Variants in UQCC1 observed in about 807,000 individuals in gnomAD.
UQCC1 encodes ubiquinol-cytochrome c reductase complex assembly factor 1.
Under a neutral mutation model 48.0 loss-of-function variants are expected in UQCC1, and 38 were observed. That is an observed-to-expected ratio of 0.79 (90% CI 0.61 to 1.04). The LOEUF (loss-of-function observed/expected upper bound fraction) is 1.04, where lower values mean the gene tolerates loss of function less well. UQCC1 is among the 50% of genes least tolerant of loss of function. The pLI, the probability that UQCC1 is intolerant of heterozygous loss-of-function variation, is 0.00. For missense variants in UQCC1, 368 were observed against 381.8 expected (o/e 0.96, Z 0.30); for synonymous variants, 111 against 129.2 (o/e 0.86, Z 0.95).
intron 1 of UQCC1, among the ~76,000 whole-genome samples, chr20:35,405,012 C>T (rs1416277276): frequency 6.6e-6 from 1 of 152,152 alleles, no homozygotes. Context: ...ATACCCAAAG[C>T]TGTGCACATG....
intron 1 of UQCC1, among the ~76,000 whole-genome samples, chr20:35,402,725 G>A (rs965889665): frequency 2.6e-5 from 4 of 152,070 alleles, no homozygotes; most frequent in African/African-American, 7.2e-5. Flanking sequence ...CCCGGGAGGC[G>A]GAGGTTGCAG....
intron 1 of UQCC1, among the ~76,000 whole-genome samples, chr20:35,404,679 T>C (rs1429306193): frequency 6.8e-6 from 1 of 147,540 alleles, no homozygotes; most frequent in Non-Finnish European, 1.5e-5. Flanking sequence ...AAAAAGAAGC[T>C]TGACTCTGAA....
intron 6 of UQCC1, among the ~76,000 whole-genome samples, chr20:35,360,962 G>A (rs926144509): frequency 6.6e-6 from 1 of 152,020 alleles, no homozygotes; most frequent in Non-Finnish European, 1.5e-5. Flanking sequence ...AGTTGTCTCG[G>A]GTCAGCCACT....
At chr20:35,396,739 G>A (rs1197590513) in intron 1 of UQCC1, among the ~76,000 whole-genome samples, 1 of 152,146 alleles carries the variant, frequency 6.6e-6, no homozygotes, top group Non-Finnish European at 1.5e-5. Context: ...AGGCTAGGCT[G>A]GAGAAAGGGA....
chr20:35,318,038 A>G (rs932596680), intron 7 of UQCC1, among the ~76,000 whole-genome samples: 6 of 152,050 alleles, frequency 3.9e-5, no homozygotes, highest in Admixed American at 6.6e-5. Context: ...GGATCTCCCT[A>G]CTCCCACATG....
intron 7 of UQCC1, among the ~76,000 whole-genome samples, chr20:35,338,722 G>A (rs1194760226): frequency 6.6e-6 from 1 of 150,680 alleles, no homozygotes; most frequent in Non-Finnish European, 1.5e-5. Flanking sequence ...GCATGAGCCT[G>A]TAGTCCCAGC....
At chr20:35,374,550 C>T (rs918781043) in intron 4 of UQCC1, among the ~76,000 whole-genome samples, 3 of 152,148 alleles carry the variant, frequency 2.0e-5, no homozygotes, top group Non-Finnish European at 4.4e-5. Context: ...ACATTTGTGC[C>T]TCTAAATCAC....
intron 8 of UQCC1, chr20:35,309,287 C>T: frequency 2.4e-6 from 1 of 419,788 alleles, no homozygotes; most frequent in Non-Finnish European, 4.9e-6. Context: ...TAAAAATTAG[C>T]CAGGCATGGT....
intron 6 of UQCC1, among the ~76,000 whole-genome samples, chr20:35,361,991 G>A (rs1480796036): frequency 6.6e-6 from 1 of 152,254 alleles, no homozygotes; most frequent in African/African-American, 2.4e-5. Flanking sequence ...GCACTGAGAA[G>A]GTACTAGTGC....
intron 4 of UQCC1, among the ~76,000 whole-genome samples, chr20:35,376,968 CA>C (rs11330133): frequency 0.54 from 77,367 of 142,512 alleles, 21,681 homozygotes; most frequent in East Asian, 0.72. Context: ...CAAAACAAAA[CA>C]AAAAAAAAAA....
intron 9 of UQCC1, among the ~76,000 whole-genome samples, chr20:35,304,848 C>T (rs1041603468): frequency 4.6e-5 from 7 of 152,166 alleles, no homozygotes; most frequent in Admixed American, 2.0e-4. Flanking sequence ...CAGCTGCTGA[C>T]GCTTGAACTC....
chr20:35,383,576 A>C (rs560737070), intron 3 of UQCC1, among the ~76,000 whole-genome samples: 14 of 152,208 alleles, frequency 9.2e-5, no homozygotes, highest in African/African-American at 3.4e-4. Context: ...CTCATCTGTT[A>C]AAAAAAATTT....
intron 7 of UQCC1, among the ~76,000 whole-genome samples, chr20:35,340,695 A>C (rs533897525): frequency 6.6e-6 from 1 of 152,328 alleles, no homozygotes; most frequent in Non-Finnish European, 1.5e-5. Flanking sequence ...TGTCCAGGCT[A>C]ACTATACCTT....
intron 1 of UQCC1, 46 bp downstream of exon 1, chr20:35,411,894 A>T (rs771143284): frequency 6.2e-7 from 1 of 1,613,720 alleles, no homozygotes; most frequent in South Asian, 1.1e-5. Flanking sequence ...TCGAACTCCA[A>T]CCCGGGACCC....
intron 1 of UQCC1, among the ~76,000 whole-genome samples, chr20:35,405,202 C>T (rs1277289240): frequency 6.6e-6 from 1 of 152,104 alleles, no homozygotes; most frequent in African/African-American, 2.4e-5. Context: ...GCAGTGAGAA[C>T]AGAATTTTAA....
rs929578801 is a variant in UQCC1 at position 35,342,768 on chromosome 20, G to A, written c.573+4396C>T. ...TGATATAATGAACTTTATTTCCACA[G>A]CTAATTTATAAGTTTAAATCCCAAA... On this transcript the variant is annotated intron_variant, in intron 7 of 9. Coordinates refer to ENST00000374385, the MANE Select transcript of UQCC1 (RefSeq NM_018244.5). Among the ~76,000 whole-genome samples, 15 of 152,186 alleles carry A rather than the reference G, an allele frequency of 9.9e-5. 1 individual carries two copies.
chr20:35,344,615 G>A, intron 7 of UQCC1: 1 of 152,370 alleles, frequency 6.6e-6, no homozygotes. Flanking sequence ...TACAGAGTTG[G>A]GTGGTAAGTA....
chr20:35,355,151 C>A (rs970808029), intron 6 of UQCC1, among the ~76,000 whole-genome samples: 1 of 152,104 alleles, frequency 6.6e-6, no homozygotes, highest in Non-Finnish European at 1.5e-5. Context: ...TCCACACAGG[C>A]AGTGGCCCCA....
chr20:35,350,672 C>T (rs2061480957), intron 6 of UQCC1, among the ~76,000 whole-genome samples: 1 of 151,704 alleles, frequency 6.6e-6, no homozygotes, highest in Admixed American at 6.6e-5. Context: ...CCAGCCTGGG[C>T]GACAGAGTGA....
Sources: allele counts gnomAD v4.1 joint callset (sites outside exome capture counted in the v4.1 genomes callset), GRCh38; gene constraint gnomAD v4.1.1; transcripts MANE v1.5; gene names NCBI Gene and HGNC (gene_info 2026-07-23, HGNC 2026-07-21).